The following ACKR2 variants were observed in gnomAD, a reference collection of about 807,000 sequenced individuals.
The protein encoded by ACKR2 is C-C chemokine receptor D6.
For missense variants in ACKR2, 457 were observed against 477.3 expected, an observed-to-expected ratio of 0.96 and a Z score of 0.40; for synonymous variants, 207 against 192.2, an observed-to-expected ratio of 1.08 and a Z score of -0.64.
chr3:42,859,264 G>T (rs1010472805), intron 2 of ACKR2, among the ~76,000 whole-genome samples: 1 of 152,134 alleles, frequency 6.6e-6, no homozygotes, highest in Admixed American at 6.5e-5. Flanking sequence ...AAATGTTAAG[G>T]GCAGCCAGAG....
At chr3:42,815,680 A>C (rs1047152153) in intron 1 of ACKR2, among the ~76,000 whole-genome samples, 2 of 152,224 alleles carry the variant, frequency 1.3e-5, no homozygotes, top group South Asian at 4.1e-4. Flanking sequence ...CAAATCTATC[A>C]GGTGTTTTAT....
At chr3:42,856,401 C>T (rs2088321741) in intron 2 of ACKR2, 2 of 702,858 alleles carry the variant, frequency 2.8e-6, no homozygotes, top group Non-Finnish European at 5.2e-6. Flanking sequence ...TTCCATCAGC[C>T]ATGAGATCAT....
At chr3:42,811,839 G>A (rs1700698616) in intron 1 of ACKR2, among the ~76,000 whole-genome samples, 1 of 152,168 alleles carries the variant, frequency 6.6e-6, no homozygotes, top group South Asian at 2.1e-4. Flanking sequence ...ATGTTTGGGT[G>A]GAGAGAAGCA....
chr3:42,830,946 G>A (rs1270468471), intron 2 of ACKR2, among the ~76,000 whole-genome samples: 1 of 151,850 alleles, frequency 6.6e-6, no homozygotes, highest in Admixed American at 6.6e-5. Flanking sequence ...TATAATTTGG[G>A]ATTGGTGTAC....
chr3:42,821,754 TGG>T, intron 2 of ACKR2, among the ~76,000 whole-genome samples: 1 of 152,146 alleles, frequency 6.6e-6, no homozygotes, highest in South Asian at 2.1e-4. Flanking sequence ...TGGAGTGCAG[TGG>T]CGCTATCTCG....
intron 2 of ACKR2, among the ~76,000 whole-genome samples, chr3:42,859,938 A>C (rs1358015032): frequency 6.6e-6 from 1 of 152,018 alleles, no homozygotes; most frequent in Admixed American, 6.6e-5. Flanking sequence ...ACTAATGGGA[A>C]AAATAACCAG....
chr3:42,825,332 C>T (rs556345133), intron 2 of ACKR2, among the ~76,000 whole-genome samples: 20 of 152,184 alleles, frequency 1.3e-4, no homozygotes, highest in African/African-American at 4.6e-4. Flanking sequence ...TCTTCCAATC[C>T]GTGAACATGA....
rs1391437066 is a variant in ACKR2, at chr3:42,867,130, C to G, written c.*1473C>G. 1 of 167,056 alleles carries G rather than the reference C, an allele frequency of 6.0e-6. No individual in the cohort carries two copies. The highest frequency in any genetic ancestry group is 6.5e-5 in the Admixed American group (1 of 15,288). The allele number at this position is 167,056 out of a possible 1,614,324, so 10.3% of individuals were successfully genotyped here. ...TCAAGCAATTTGCCTGCCTCAGCCTCCCAAAGTGCTGGGATTACAGGCGTG... is the reference window on the plus strand; with the variant it reads ...TCAAGCAATTTGCCTGCCTCAGCCTGCCAAAGTGCTGGGATTACAGGCGTG... On this transcript the variant is annotated 3_prime_UTR_variant, in exon 3 of 3. Coordinates refer to ENST00000422265, the MANE Select transcript of ACKR2 (RefSeq NM_001296.5).
At chr3:42,838,046 A>G (rs1366134997) in intron 2 of ACKR2, among the ~76,000 whole-genome samples, 1 of 152,202 alleles carries the variant, frequency 6.6e-6, no homozygotes, top group East Asian at 1.9e-4. Context: ...CAGACTCATC[A>G]ATCATAGGCC....
intron 2 of ACKR2, among the ~76,000 whole-genome samples, chr3:42,846,108 G>A (rs373676157): frequency 6.6e-6 from 1 of 152,048 alleles, no homozygotes; most frequent in East Asian, 1.9e-4. Context: ...GGGAGGATTA[G>A]ACAAATTAAT....
Position 42,820,592 on chromosome 3 carries a change from C to CAA in ACKR2, c.-38+898_-38+899dup, listed in dbSNP as rs749184218. 8.3e-4 allele frequency among the ~76,000 whole-genome samples: 58 copies of CAA among 69,774 alleles called. No individual in the cohort carries two copies. In the East Asian group the frequency reaches 0.018, roughly 22 times the overall value. The allele number at this position is 69,774 out of a possible 152,430, so 45.8% of individuals were successfully genotyped here. A position where few individuals can be genotyped will look rare whatever the true frequency, so the allele number is the denominator to read the frequency against. The stretch of plus-strand genomic sequence containing the variant: ...TGGGCAACAGAGCAAGACTCTGTCT[C>CAA]AAAAAAAAAAAAAAAAAAGAAATAT... On this transcript the variant is annotated intron_variant, in intron 2 of 2. Transcript: ENST00000422265.
intron 1 of ACKR2, among the ~76,000 whole-genome samples, chr3:42,811,219 C>T (rs1700690900): frequency 6.6e-6 from 1 of 152,154 alleles, no homozygotes; most frequent in Non-Finnish European, 1.5e-5. Flanking sequence ...CAGACTGTTA[C>T]TGTGTCTATG....
In ACKR2 at chr3:42,865,138, C is replaced by G. The variant is rs2088422594; in HGVS notation, c.636C>G (p.Phe212Leu). 4 of 1,613,930 alleles carry G rather than the reference C, an allele frequency of 2.5e-6. No individual in the cohort carries two copies. The highest frequency in any genetic ancestry group is 1.6e-4 in the Middle Eastern group (1 of 6,084). Residue 212 changes from phenylalanine (F) to leucine (L), a missense_variant, in exon 3 of 3, where the codon TTC (phenylalanine) becomes TTG (leucine). Physicochemically the swap from Phe to Leu is conservative, Grantham distance 22 (BLOSUM62 0). Transcript: ENST00000422265. ...HGTIWKLFLR[F>L]QQNLLGFLLP... Reference sequence around the variant, plus strand: ...CCATTTGGAAGCTCTTCCTCCGCTTCCAGCAGAACCTCCTAGGGTTTCTCC... The same window carrying G: ...CCATTTGGAAGCTCTTCCTCCGCTTGCAGCAGAACCTCCTAGGGTTTCTCC...
At chr3:42,864,409 A>G (rs1225789550) in intron 2 of ACKR2, 57 bp from the exon 3 acceptor site, 3 of 1,475,480 alleles carry the variant, frequency 2.0e-6, no homozygotes, top group Non-Finnish European at 1.8e-6. Context: ...GCAGCAGCAA[A>G]AGTGGGTTTA....
intron 2 of ACKR2, among the ~76,000 whole-genome samples, chr3:42,833,464 C>T (rs377202655): frequency 2.0e-5 from 3 of 152,020 alleles, no homozygotes; most frequent in South Asian, 4.2e-4. Context: ...TTTTGGTGCA[C>T]CCATCACCCA....
chr3:42,825,094 A>G (rs1700849242), intron 2 of ACKR2, among the ~76,000 whole-genome samples: 1 of 152,168 alleles, frequency 6.6e-6, no homozygotes, highest in African/African-American at 2.4e-5. Flanking sequence ...TATCAGTACT[A>G]CACAGTCTTG....
At chr3:42,856,719 A>G (rs779291294) in intron 2 of ACKR2, among the ~76,000 whole-genome samples, 2 of 151,840 alleles carry the variant, frequency 1.3e-5, no homozygotes, top group Non-Finnish European at 2.9e-5. Flanking sequence ...TGCATTTCTC[A>G]GTTTGTGGCC....
At chr3:42,861,677 G>A (rs543477233) in intron 2 of ACKR2, among the ~76,000 whole-genome samples, 2 of 152,146 alleles carry the variant, frequency 1.3e-5, no homozygotes, top group Admixed American at 6.5e-5. Flanking sequence ...CCATCAAGTC[G>A]GCCTCATCCC....
At position 42,852,617 on chromosome 3, in the gene ACKR2, T is replaced by G. The variant is rs1701174523; in HGVS notation, c.-37-11849T>G. Among the ~76,000 whole-genome samples, 1 of 152,128 alleles carries G rather than the reference T, an allele frequency of 6.6e-6. No homozygotes were observed. The highest frequency in any genetic ancestry group is 1.5e-5 in the Non-Finnish European group (1 of 68,030). On this transcript the variant is annotated intron_variant, in intron 2 of 2. Transcript: ENST00000422265. The surrounding 1 kb of genome is among the most constrained non-coding windows in gnomAD (Gnocchi z 4.3). Reference sequence around the variant, plus strand: ...GTCTAGCTGGAAGCTGCAAGGGGACTCCTGCCCTGCTGAGGAATGGACAAG... The same window carrying G: ...GTCTAGCTGGAAGCTGCAAGGGGACGCCTGCCCTGCTGAGGAATGGACAAG...
Sources: gnomAD v4.1 joint callset for allele counts (sites outside exome capture counted in the v4.1 genomes callset) on GRCh38, gnomAD v4.1.1 for gene constraint, Gnocchi (gnomAD v3.1) non-coding constraint, MANE v1.5 for transcripts, NCBI Gene and HGNC (gene_info 2026-07-23, HGNC 2026-07-21) for gene names.